The following ANXA8 variants were observed in gnomAD, a reference collection of about 807,000 sequenced individuals.
ANXA8 encodes annexin A8, also known as VAC-beta.
In ANXA8, 9 loss-of-function variants were observed where a neutral mutation model predicts 26.8. The observed-to-expected ratio is 0.34, with a 90% CI of 0.20 to 0.59. The LOEUF (loss-of-function observed/expected upper bound fraction) is 0.59, where lower values mean the gene tolerates loss of function less well. Ranked by LOEUF, ANXA8 falls within the 20% of genes least tolerant of loss-of-function variation. The pLI, the probability that ANXA8 is intolerant of heterozygous loss-of-function variation, is 0.84. For missense variants in ANXA8, 83 were observed against 238.5 expected, an observed-to-expected ratio of 0.35 and a Z score of 4.29; for synonymous variants, 39 against 94.8, an observed-to-expected ratio of 0.41 and a Z score of 3.42.
At chr10:47,470,240 A>G (rs1839289817) in intron 11 of ANXA8, among the ~76,000 whole-genome samples, 1 of 151,708 alleles carries the variant, frequency 6.6e-6, no homozygotes, top group Non-Finnish European at 1.5e-5. Flanking sequence ...TACACTAAAA[A>G]GAAACGTTTG....
At chr10:47,599,077 T>C in the ANXA8 span, among the ~76,000 whole-genome samples, 1 of 147,244 alleles carries the variant, frequency 6.8e-6, no homozygotes, top group African/African-American at 2.6e-5. Flanking sequence ...ATAACTTTTA[T>C]GTATTATTAT....
the ANXA8 span, among the ~76,000 whole-genome samples, chr10:47,733,229 T>TTCTCTTTCTCTCTC: frequency 5.9e-5 from 4 of 67,912 alleles, 1 homozygote; most frequent in African/African-American, 2.3e-4. Flanking sequence ...TTCTCTTTCT[T>TTCTCTTTCTCTCTC]TCTCTCTTTC....
chr10:47,555,501 C>T, the ANXA8 span, among the ~76,000 whole-genome samples: 2 of 151,932 alleles, frequency 1.3e-5, no homozygotes, highest in Non-Finnish European at 2.9e-5. Flanking sequence ...TTTTCCTGTT[C>T]AAATGACTGT....
the ANXA8 span, among the ~76,000 whole-genome samples, chr10:47,647,111 T>G: frequency 2.0e-5 from 3 of 152,262 alleles, no homozygotes; most frequent in African/African-American, 7.2e-5. Flanking sequence ...TAAACACTAT[T>G]AACATCACTT....
the ANXA8 span, among the ~76,000 whole-genome samples, chr10:47,645,266 C>T: frequency 1.4e-5 from 2 of 146,514 alleles, no homozygotes; most frequent in Non-Finnish European, 3.0e-5. Context: ...TCTAAAAGAA[C>T]AAAATTTTGT....
At chr10:47,511,259 A>G in the ANXA8 span, among the ~76,000 whole-genome samples, 9 of 142,426 alleles carry the variant, frequency 6.3e-5, no homozygotes, top group Non-Finnish European at 1.4e-4. Context: ...TTATTTATTT[A>G]CTACGATAAA....
chr10:47,738,731 C>A, the ANXA8 span, among the ~76,000 whole-genome samples: 1 of 151,950 alleles, frequency 6.6e-6, no homozygotes, highest in Non-Finnish European at 1.5e-5. Flanking sequence ...CATGTGCCAC[C>A]ACACCTGGAT....
chr10:47,686,365 C>T, the ANXA8 span, among the ~76,000 whole-genome samples: 4 of 151,226 alleles, frequency 2.6e-5, no homozygotes, highest in South Asian at 2.1e-4. Flanking sequence ...ATTACAGGTG[C>T]GTGCCACCAT....
chr10:47,667,621 C>T, the ANXA8 span, among the ~76,000 whole-genome samples: 56 of 151,452 alleles, frequency 3.7e-4, 2 homozygotes, highest in East Asian at 2.3e-3. Context: ...ATGATCTTGG[C>T]GCACTGCAAC....
chr10:47,580,865 A>G, the ANXA8 span, among the ~76,000 whole-genome samples: 1 of 149,946 alleles, frequency 6.7e-6, no homozygotes, highest in African/African-American at 2.5e-5. Context: ...ACCTGTGGTC[A>G]GGAGCTCAAG....
the ANXA8 span, among the ~76,000 whole-genome samples, chr10:47,744,668 A>G: frequency 9.2e-5 from 14 of 151,978 alleles, no homozygotes; most frequent in Non-Finnish European, 1.8e-4. Context: ...GTGGCATACT[A>G]AATTCAACCA....
chr10:47,517,303 C>T, the ANXA8 span, among the ~76,000 whole-genome samples: 27 of 66,496 alleles, frequency 4.1e-4, no homozygotes, highest in Admixed American at 1.2e-3. Flanking sequence ...GACAGAGTTT[C>T]GCTCTGTCGC....
the ANXA8 span, among the ~76,000 whole-genome samples, chr10:47,623,347 C>T: frequency 6.2e-5 from 7 of 112,302 alleles, 2 homozygotes; most frequent in South Asian, 5.7e-4. Flanking sequence ...TGGTTAAGGA[C>T]GTACTTTAGG....
the ANXA8 span, among the ~76,000 whole-genome samples, chr10:47,586,971 C>G: frequency 6.9e-6 from 1 of 145,856 alleles, no homozygotes; most frequent in Non-Finnish European, 1.5e-5. Flanking sequence ...CTTTGGGAGG[C>G]CGAGGCTGGC....
the ANXA8 span, among the ~76,000 whole-genome samples, chr10:47,898,811 ATTTTTTTTT>A: frequency 0.29 from 15,569 of 54,058 alleles, 67 homozygotes; most frequent in Middle Eastern, 0.34. Flanking sequence ...AAGAGAATGG[ATTTTTTTTT>A]TTTTTTTTTT....
chr10:47,955,148 G>T, the ANXA8 span, among the ~76,000 whole-genome samples: 1 of 149,378 alleles, frequency 6.7e-6, no homozygotes, highest in Non-Finnish European at 1.5e-5. Flanking sequence ...TTATAAGGGG[G>T]AGTTCCCTTG....
chr10:47,591,650 G>A, the ANXA8 span, among the ~76,000 whole-genome samples: 1 of 142,196 alleles, frequency 7.0e-6, no homozygotes, highest in African/African-American at 2.9e-5. Flanking sequence ...GTTTCACTGT[G>A]TTAGCCAGGA....
chr10:47,584,136 A>G, the ANXA8 span, among the ~76,000 whole-genome samples: 1 of 149,254 alleles, frequency 6.7e-6, no homozygotes, highest in African/African-American at 2.6e-5. Flanking sequence ...CCGAGATCGC[A>G]CCACTGCACT....
chr10:47,636,867 A>G, the ANXA8 span, among the ~76,000 whole-genome samples: 26 of 150,740 alleles, frequency 1.7e-4, no homozygotes, highest in African/African-American at 5.6e-4. Context: ...TCACCTATTC[A>G]TTCATATAGC....
Sources: allele counts gnomAD v4.1 joint callset (sites outside exome capture counted in the v4.1 genomes callset), GRCh38; gene constraint gnomAD v4.1.1; transcripts MANE v1.5; gene names NCBI Gene and HGNC (gene_info 2026-07-23, HGNC 2026-07-21).